The following PRKDC variants were observed in gnomAD, a reference collection of about 807,000 sequenced individuals.
The protein encoded by PRKDC is protein kinase, DNA-activated, catalytic subunit.
PRKDC carries 82 observed loss-of-function variants against 486.9 expected under a neutral mutation model. The ratio of observed to expected loss-of-function variants is 0.17; its 90% CI spans 0.14 to 0.20. The LOEUF is 0.20. PRKDC is among the 10% of genes least tolerant of loss of function. The probability of loss-of-function intolerance (pLI) is 1.00; values close to 1 mark genes in which losing one functional copy is unlikely to be tolerated. For missense variants in PRKDC, 4,504 were observed against 5,038.2 expected, an observed-to-expected ratio of 0.89 and a Z score of 3.21; for synonymous variants, 1,895 against 1,837.0, an observed-to-expected ratio of 1.03 and a Z score of -0.81.
intron 51 of PRKDC, 70 bp downstream of exon 51, chr8:47,854,013 G>A: frequency 6.4e-7 from 1 of 1,561,598 alleles, no homozygotes; most frequent in South Asian, 1.1e-5. Flanking sequence ...TATCAAAACT[G>A]CACCATACTG....
rs1211717386 is a variant in PRKDC, at chr8:47,902,713, T to C, written c.3125A>G (p.Lys1042Arg). Residue 1042 changes from lysine (K) to arginine (R), a missense_variant, in exon 27 of 86, where the codon AAG (lysine) becomes AGG (arginine). Transcript: ENST00000314191. ...CIREFLKWSIKQITPQQQEKS... is the reference protein window; with the variant it reads ...CIREFLKWSIRQITPQQQEKS... ...CTCCTGCTGCTGTGGTGTTATTTGC[T>C]TAATGGACCATTTAAGGAATTCTCG... 6.2e-7 allele frequency: 1 copy of C among 1,613,866 alleles called. No homozygotes were observed. The highest frequency in any genetic ancestry group is 1.3e-5 in the African/African-American group (1 of 74,940).
Position 47,889,154 on chromosome 8 carries a change from T to C in PRKDC, c.4140A>G (p.Ala1380=), listed in dbSNP as rs1400947224. ...CGTCTCCGATGTTGAAACCTATGCT[T>C]GCGGGCTCACACAGCGTCTGCACCA... ...RVLVQTLCEP[A]SIGFNIGDVQ... is the part of the protein sequence containing the mutation. Residue 1380 remains alanine (A), a synonymous_variant, in exon 33 of 86, where the codon GCA becomes GCG. Transcript: ENST00000314191. 2 of 1,613,964 alleles carry C rather than the reference T, an allele frequency of 1.2e-6. No individual in the cohort carries two copies. Among genetic ancestry groups the C allele is most frequent in the South Asian group, 2.2e-5 (2 of 91,084 alleles).
intron 7 of PRKDC, among the ~76,000 whole-genome samples, chr8:47,948,780 T>C (rs893177777): frequency 6.6e-6 from 1 of 152,140 alleles, no homozygotes; most frequent in South Asian, 2.1e-4. Flanking sequence ...CTTATATATA[T>C]GTACCCATGA....
chr8:47,910,251 C>G (rs2089872652), intron 25 of PRKDC, among the ~76,000 whole-genome samples: 1 of 152,216 alleles, frequency 6.6e-6, no homozygotes, highest in African/African-American at 2.4e-5. Flanking sequence ...CCTTGGCTAT[C>G]AATCCCCCTG....
chr8:47,852,984 A>G (rs536550767), intron 51 of PRKDC, among the ~76,000 whole-genome samples, 200 bp from the exon 52 acceptor site: 13 of 152,360 alleles, frequency 8.5e-5, no homozygotes, highest in Admixed American at 1.3e-4. Context: ...CCAGAAAAGC[A>G]TAGGGCAGTC....
At chr8:47,887,189 G>A (rs1018145063) in intron 35 of PRKDC, among the ~76,000 whole-genome samples, 3 of 152,100 alleles carry the variant, frequency 2.0e-5, no homozygotes, top group Non-Finnish European at 4.4e-5. Context: ...GTTCCTCTGG[G>A]ATTATCCTTC....
chr8:47,814,957 G>A (rs1215177617), intron 68 of PRKDC, among the ~76,000 whole-genome samples: 1 of 152,100 alleles, frequency 6.6e-6, no homozygotes, highest in Non-Finnish European at 1.5e-5. Context: ...GAGCCCAGGA[G>A]TTACATACCA....
At position 47,785,173 on chromosome 8, in the gene PRKDC, A is replaced by T; in HGVS notation, c.11047T>A (p.Cys3683Ser). ...TTGAAGTCGCTCATCCAGGGTGAAC[A>T]TTCTTTCAGATTCCCAGGGGGCTTT... Reference protein sequence around the residue: ...DSKPPGNLKECSPWMSDFKVE... With the variant: ...DSKPPGNLKESSPWMSDFKVE... The change falls in exon 77 of 86, where the codon TGT becomes AGT. Residue 3683 changes from cysteine to serine, a missense_variant. Physicochemically the swap from Cys to Ser is moderately radical, Grantham distance 112 (BLOSUM62 -1). Coordinates refer to ENST00000314191, the MANE Select transcript of PRKDC (RefSeq NM_006904.7). 6.2e-7 allele frequency: 1 copy of T among 1,613,960 alleles called. No individual in the cohort carries two copies. Among genetic ancestry groups the T allele is most frequent in the Non-Finnish European group, 8.5e-7 (1 of 1,179,886 alleles).
At position 47,862,102 on chromosome 8, in the gene PRKDC, A is replaced by T; in HGVS notation, c.5945T>A (p.Ile1982Asn). 1 of 1,552,320 alleles carries T rather than the reference A, an allele frequency of 6.4e-7. No homozygotes were observed. The highest frequency in any genetic ancestry group is 8.7e-7 in the Non-Finnish European group (1 of 1,146,302). The change falls in exon 44 of 86, where the codon ATC becomes AAC. Residue 1982 changes from isoleucine to asparagine, a missense_variant. Coordinates refer to ENST00000314191, the MANE Select transcript of PRKDC (RefSeq NM_006904.7). ...EKNLLIFENL[I>N]DLKRRYNFPV... ...AAAATTATAGCGGCGCTTCAGGTCGATCAGATTTTCAAAAATAAGCAAGTT... is the reference window on the plus strand; with the variant it reads ...AAAATTATAGCGGCGCTTCAGGTCGTTCAGATTTTCAAAAATAAGCAAGTT...
At chr8:47,812,782 A>G (rs1425858952) in intron 68 of PRKDC, among the ~76,000 whole-genome samples, 1 of 152,126 alleles carries the variant, frequency 6.6e-6, no homozygotes, top group African/African-American at 2.4e-5. Flanking sequence ...AATAAAGAAA[A>G]TTAACAAAGT....
At chr8:47,916,593 G>C (rs2089987668) in intron 22 of PRKDC, among the ~76,000 whole-genome samples, 1 of 152,116 alleles carries the variant, frequency 6.6e-6, no homozygotes, top group Non-Finnish European at 1.5e-5. Context: ...GTTCATTTTA[G>C]AGAAAATGTC....
chr8:47,832,232 C>A (rs952325867), intron 59 of PRKDC, among the ~76,000 whole-genome samples: 3 of 152,230 alleles, frequency 2.0e-5, no homozygotes, highest in Non-Finnish European at 4.4e-5. Context: ...TAGAGAGGAG[C>A]TGCCTCGGAG....
rs2089708504 is a variant in PRKDC at position 47,902,642 on chromosome 8, G to A, written c.3196C>T (p.Leu1066Phe). The change falls in exon 27 of 86, where the codon CTT becomes TTT. Residue 1066 changes from leucine to phenylalanine, a missense_variant. Around this residue, in one of 6 missense-constraint regions of PRKDC, gnomAD observed 1,969 missense variants for 2,068.9 expected, o/e 0.95. Coordinates refer to ENST00000314191, the MANE Select transcript of PRKDC (RefSeq NM_006904.7). ...TTGAAAGCATTGGGGTGAAGCGCAA[G>A]GCTATAAAGTCGCTTGAAAAGCGAT... is the stretch of plus-strand genomic sequence containing the variant. ...TKSLFKRLYS[L>F]ALHPNAFKRL... The A allele has an allele frequency of 6.2e-7, 1 of 1,613,536 alleles. No individual in the cohort carries two copies. Among genetic ancestry groups the A allele is most frequent in the Non-Finnish European group, 8.5e-7 (1 of 1,179,646 alleles).
intron 30 of PRKDC, among the ~76,000 whole-genome samples, chr8:47,894,098 T>C (rs1427128394): frequency 2.0e-5 from 3 of 152,062 alleles, no homozygotes; most frequent in African/African-American, 7.2e-5. Flanking sequence ...CTGGCCAACA[T>C]GGTGAAACCC....
chr8:47,959,684 A>C (rs2090778643), intron 1 of PRKDC, among the ~76,000 whole-genome samples: 1 of 152,088 alleles, frequency 6.6e-6, no homozygotes, highest in Non-Finnish European at 1.5e-5. Flanking sequence ...GTCTCAAAAA[A>C]AAAAAAAATT....
intron 25 of PRKDC, among the ~76,000 whole-genome samples, chr8:47,911,744 G>C (rs2089906954): frequency 6.6e-6 from 1 of 151,840 alleles, no homozygotes; most frequent in Non-Finnish European, 1.5e-5. Context: ...TAGGCCACTT[G>C]CCAGCCATAG....
intron 13 of PRKDC, among the ~76,000 whole-genome samples, 185 bp downstream of exon 13, chr8:47,935,547 G>A (rs1220371742): frequency 6.6e-6 from 1 of 151,588 alleles, no homozygotes; most frequent in African/African-American, 2.4e-5. Context: ...TCTATTAATA[G>A]AACTATTAAA....
chr8:47,832,073 G>GC lies in PRKDC; in HGVS notation c.8153-148dup, dbSNP rs1168629341. The GC allele has an allele frequency of 4.4e-6, 3 of 677,758 alleles. No individual in the cohort carries two copies. In the Admixed American group the frequency reaches 7.6e-5, roughly 17 times the overall value. The allele number at this position is 677,758 out of a possible 1,614,324, so 42.0% of individuals were successfully genotyped here. A position where few individuals can be genotyped will look rare whatever the true frequency, so the allele number is the denominator to read the frequency against. On this transcript the variant is annotated intron_variant, in intron 59 of 85. Transcript: ENST00000314191. ...GAGCAGGAGTGCAGGGGCCACAGCT[G>GC]CAACTGGAACTGCTCAGCAGTGGAT...
Position 47,888,479 on chromosome 8 carries a change from A to G in PRKDC, c.4413+39T>C, listed in dbSNP as rs8178097. On this transcript the variant is annotated intron_variant, in intron 34 of 85. Coordinates refer to ENST00000314191, the MANE Select transcript of PRKDC (RefSeq NM_006904.7). Reference sequence around the variant, plus strand: ...AAATAAATACACTAATTATCATACTAAAGCTAAAATAAATGTAAAAACAAT... The same window carrying G: ...AAATAAATACACTAATTATCATACTGAAGCTAAAATAAATGTAAAAACAAT... 65,176 of 1,463,154 alleles carry G rather than the reference A, an allele frequency of 0.045. 1,658 individuals are homozygous for G. The highest frequency in any genetic ancestry group is 0.063 in the Middle Eastern group (353 of 5,578). 90.6% of individuals were successfully genotyped at this position (1,463,154 alleles called of 1,614,324 possible). A position where few individuals can be genotyped will look rare whatever the true frequency, so the allele number is the denominator to read the frequency against.
Sources: gnomAD v4.1 joint callset for allele counts (sites outside exome capture counted in the v4.1 genomes callset) on GRCh38, gnomAD v4.1.1 for gene constraint, gnomAD v4.1.1 regional missense constraint, MANE v1.5 for transcripts, NCBI Gene and HGNC (gene_info 2026-07-23, HGNC 2026-07-21) for gene names.